Variants in TTC6 observed in about 807,000 individuals in gnomAD.
The protein encoded by TTC6 is tetratricopeptide repeat domain 6.
In TTC6, 172 loss-of-function variants were observed where a neutral mutation model predicts 210.4. The observed-to-expected ratio is 0.82, with a 90% CI of 0.72 to 0.93. The LOEUF (loss-of-function observed/expected upper bound fraction) is 0.93, where lower values mean the gene tolerates loss of function less well. TTC6 is among the 40% of genes least tolerant of loss of function. The probability of loss-of-function intolerance (pLI) is 0.00; values close to 1 mark genes in which losing one functional copy is unlikely to be tolerated. For missense variants in TTC6, 2,414 were observed against 2,318.1 expected, an observed-to-expected ratio of 1.04 and a Z score of -0.85; for synonymous variants, 804 against 819.6, an observed-to-expected ratio of 0.98 and a Z score of 0.32.
chr14:37,817,759 T>C, intron 26 of TTC6, 108 bp downstream of exon 28: 2 of 1,125,114 alleles, frequency 1.8e-6, no homozygotes, highest in Non-Finnish European at 2.6e-6. Context: ...TGGGAGAAAT[T>C]GTGAATGTTA....
chr14:37,760,575 C>A (rs1422157703), intron 14 of TTC6, among the ~76,000 whole-genome samples: 1 of 152,192 alleles, frequency 6.6e-6, no homozygotes, highest in Non-Finnish European at 1.5e-5. Flanking sequence ...TCTTCAGAGC[C>A]AGCAGGCAGG....
upstream of TTC6, among the ~76,000 whole-genome samples, chr14:37,620,415 C>A (rs908043978): frequency 2.0e-5 from 3 of 152,058 alleles, no homozygotes; most frequent in Admixed American, 6.6e-5. Context: ...GTTTTACTTT[C>A]ATTGTTTTAC....
chr14:37,602,274 A>T (rs1192699167), intron 1 of TTC6, among the ~76,000 whole-genome samples: 3 of 152,240 alleles, frequency 2.0e-5, no homozygotes, highest in Non-Finnish European at 2.9e-5. Flanking sequence ...ATATCATAAG[A>T]TACAGAGTGT....
intron 3 of TTC6, among the ~76,000 whole-genome samples, chr14:37,692,472 A>C (rs1445014715): frequency 6.6e-6 from 1 of 152,106 alleles, no homozygotes; most frequent in Non-Finnish European, 1.5e-5. Flanking sequence ...TTGATGCTTA[A>C]AAACCATTTG....
chr14:37,839,307 G>T lies in TTC6; in HGVS notation c.5299-2138G>T, dbSNP rs2096204866. Among the ~76,000 whole-genome samples, 2 of 152,162 alleles carry T rather than the reference G, an allele frequency of 1.3e-5. 1 individual carries two copies. Among genetic ancestry groups the T allele is most frequent in the South Asian group, 4.1e-4 (2 of 4,828 alleles). ...TTTCTCCACATCCTCTCCAGCATCT[G>T]TTGTTTTCTGACTTTTTAATGATCA... On this transcript the variant is annotated intron_variant, in intron 29 of 30. Transcript: ENST00000553443.
In TTC6 at chr14:37,666,545, G is replaced by C. The variant is rs960173737; in HGVS notation, c.940-13606G>C. 2.3e-4 allele frequency among the ~76,000 whole-genome samples: 34 copies of C among 150,064 alleles called. 6 individuals are homozygous for C. The highest frequency in any genetic ancestry group is 4.5e-4 in the Non-Finnish European group (30 of 66,888). On this transcript the variant is annotated intron_variant, in intron 1 of 30. Coordinates refer to ENST00000553443, the Ensembl canonical transcript of TTC6. Reference sequence around the variant, plus strand: ...GCAGTTTCCTGGAGCGATGCAGGTAGAGTGCCTGGTTAGGCCACCGAGGAG... The same window carrying C: ...GCAGTTTCCTGGAGCGATGCAGGTACAGTGCCTGGTTAGGCCACCGAGGAG...
intron 1 of TTC6, among the ~76,000 whole-genome samples, chr14:37,623,838 A>T (rs1409990633): frequency 6.6e-6 from 1 of 152,232 alleles, no homozygotes; most frequent in African/African-American, 2.4e-5. Flanking sequence ...ATTTAAGTTT[A>T]AGATATTTTG....
At chr14:37,685,023 C>T (rs551764926) in intron 3 of TTC6, among the ~76,000 whole-genome samples, 10 of 152,118 alleles carry the variant, frequency 6.6e-5, no homozygotes, top group South Asian at 2.1e-4. Context: ...CTTAGAAGCT[C>T]GTTAGTATAA....
At chr14:37,813,216 T>A (rs2096133679) in intron 25 of TTC6, among the ~76,000 whole-genome samples, 1 of 152,192 alleles carries the variant, frequency 6.6e-6, no homozygotes, top group South Asian at 2.1e-4. Flanking sequence ...TGAGATTCTG[T>A]CCAAATAATC....
upstream of TTC6, chr14:37,622,008 C>T (rs2095651847): frequency 1.6e-6 from 2 of 1,249,380 alleles, no homozygotes; most frequent in Non-Finnish European, 2.2e-6. Context: ...TATGTATATA[C>T]GCACACAACA....
At chr14:37,812,746 T>TC (rs1566969727) in intron 25 of TTC6, among the ~76,000 whole-genome samples, 1 of 152,212 alleles carries the variant, frequency 6.6e-6, no homozygotes. Flanking sequence ...TAATGTGTAC[T>TC]CTGCTGTTTA....
At chr14:37,679,870 A>G (rs1030839850) in intron 1 of TTC6, among the ~76,000 whole-genome samples, 2 of 151,784 alleles carry the variant, frequency 1.3e-5, no homozygotes, top group African/African-American at 2.4e-5. Context: ...TTGTATTTTT[A>G]CTAGAGTTGG....
chr14:37,604,041 C>T (rs761821152), intron 1 of TTC6, among the ~76,000 whole-genome samples: 16 of 152,212 alleles, frequency 1.1e-4, no homozygotes, highest in African/African-American at 3.4e-4. Flanking sequence ...GATGCTGGGA[C>T]ATGTAGTGTC....
intron 1 of TTC6, among the ~76,000 whole-genome samples, chr14:37,651,990 G>C (rs2095713969): frequency 1.3e-5 from 2 of 152,242 alleles, no homozygotes; most frequent in Middle Eastern, 3.4e-3. Flanking sequence ...TACAACTAAA[G>C]TCTTCAACAG....
intron 15 of TTC6, 52 bp downstream of exon 17, chr14:37,787,689 G>C (rs754990161): frequency 2.2e-6 from 3 of 1,349,054 alleles, no homozygotes; most frequent in Non-Finnish European, 2.9e-6. Context: ...AGATTCAACA[G>C]CTCAGTTTCA....
intron 14 of TTC6, among the ~76,000 whole-genome samples, chr14:37,761,595 C>A (rs919829700): frequency 6.6e-6 from 1 of 151,934 alleles, no homozygotes; most frequent in Non-Finnish European, 1.5e-5. Flanking sequence ...ATCTAGAAAC[C>A]CCCTCATGCC....
intron 1 of TTC6, among the ~76,000 whole-genome samples, chr14:37,649,104 C>T (rs764164344): frequency 8.5e-5 from 13 of 152,106 alleles, no homozygotes; most frequent in Non-Finnish European, 1.3e-4. Flanking sequence ...TAGGTCTTCC[C>T]AACATTGTTA....
rs529809939 is a variant in TTC6, at chr14:37,717,016, G to A, written c.1713+2220G>A. 6.6e-5 allele frequency among the ~76,000 whole-genome samples: 10 copies of A among 152,050 alleles called. No homozygotes were observed. The South Asian group carries it at 2.1e-3, about 32-fold the overall frequency. On this transcript the variant is annotated intron_variant, in intron 6 of 30. Transcript: ENST00000553443. Reference sequence around the variant, plus strand: ...CTATAGGTTAAAGAAGAAGTTTCAAGGGATTTAAAAATACATTGAACTGAA... The same window carrying A: ...CTATAGGTTAAAGAAGAAGTTTCAAAGGATTTAAAAATACATTGAACTGAA...
At chr14:37,769,738 C>A (rs2096011853) in intron 14 of TTC6, among the ~76,000 whole-genome samples, 2 of 150,958 alleles carry the variant, frequency 1.3e-5, no homozygotes, top group Admixed American at 6.6e-5. Context: ...TTTTGTTGAT[C>A]CTTTCAAAAA....
Sources: allele counts gnomAD v4.1 joint callset (sites outside exome capture counted in the v4.1 genomes callset), GRCh38; gene constraint gnomAD v4.1.1; transcripts MANE v1.5; gene names NCBI Gene and HGNC (gene_info 2026-07-23, HGNC 2026-07-21).